The following SSBP2 variants were observed in gnomAD, a reference collection of about 807,000 sequenced individuals.
SSBP2 encodes single stranded DNA binding protein 2.
SSBP2 carries 17 observed loss-of-function variants against 61.8 expected under a neutral mutation model. The ratio of observed to expected loss-of-function variants is 0.28; its 90% CI spans 0.19 to 0.41. SSBP2 has a LOEUF of 0.41. Ranked by LOEUF, SSBP2 falls within the 10% of genes least tolerant of loss-of-function variation. The pLI is 1.00. For missense variants in SSBP2, 310 were observed against 458.7 expected (o/e 0.68, Z 2.96); for synonymous variants, 139 against 141.3 (o/e 0.98, Z 0.12).
In SSBP2 at chr5:81,734,737, C is replaced by T. The variant is rs371270805; in HGVS notation, c.62+16244G>A. Among the ~76,000 whole-genome samples the T allele has an allele frequency of 1.6e-4, 25 of 152,034 alleles. No homozygotes were observed. The East Asian group carries it at 2.9e-3, about 18-fold the overall frequency. ...CTGTAATGCCATCACTTTGGGAGGC[C>T]GAGGCGGGCAGATCATGAGGTCAGG... On this transcript the variant is annotated intron_variant, in intron 1 of 16. Coordinates refer to ENST00000320672, the MANE Select transcript of SSBP2 (RefSeq NM_012446.5).
chr5:81,470,299 TATATG>T (rs66502353), intron 8 of SSBP2, among the ~76,000 whole-genome samples: 66,728 of 151,226 alleles, frequency 0.44, 18,611 homozygotes, highest in African/African-American at 0.8. Flanking sequence ...ACTGGTTTCA[TATATG>T]ATATTAGAAA....
At chr5:81,593,186 T>G (rs918276519) in intron 4 of SSBP2, among the ~76,000 whole-genome samples, 4 of 151,994 alleles carry the variant, frequency 2.6e-5, no homozygotes, top group Non-Finnish European at 5.9e-5. Context: ...GAGAGCTACA[T>G]GACAAATGCA....
At position 81,531,229 on chromosome 5, in the gene SSBP2, GA is replaced by G. The variant is rs71000841; in HGVS notation, c.283-17513del. Among the ~76,000 whole-genome samples the G allele has an allele frequency of 9.6e-4, 114 of 118,280 alleles. 1 individual carries two copies. The highest frequency in any genetic ancestry group is 1.1e-3 in the Non-Finnish European group (64 of 56,838). 77.6% of individuals were successfully genotyped at this position (118,280 alleles called of 152,430 possible). A position where few individuals can be genotyped will look rare whatever the true frequency, so the allele number is the denominator to read the frequency against. On this transcript the variant is annotated intron_variant, in intron 4 of 16. Coordinates refer to ENST00000320672, the MANE Select transcript of SSBP2 (RefSeq NM_012446.5). Reference sequence around the variant, plus strand: ...GAGTGGCAGAGTAAGACCCTGTCTGGAAAAAAAAAAAAAGAAAAAAAAAAAG... The same window carrying G: ...GAGTGGCAGAGTAAGACCCTGTCTGGAAAAAAAAAAAAGAAAAAAAAAAAG...
At chr5:81,603,753 T>A (rs1339415109) in intron 4 of SSBP2, among the ~76,000 whole-genome samples, 2 of 152,204 alleles carry the variant, frequency 1.3e-5, no homozygotes, top group Non-Finnish European at 2.9e-5. Context: ...GGTTCACGTC[T>A]TACGATGAAT....
At chr5:81,676,159 A>C (rs1262908705) in intron 1 of SSBP2, among the ~76,000 whole-genome samples, 1 of 152,174 alleles carries the variant, frequency 6.6e-6, no homozygotes, top group Non-Finnish European at 1.5e-5. Context: ...AAAACCTGAC[A>C]GTTACGCTCA....
chr5:81,641,070 T>C (rs1416424739), intron 2 of SSBP2, among the ~76,000 whole-genome samples: 1 of 152,190 alleles, frequency 6.6e-6, no homozygotes, highest in African/African-American at 2.4e-5. Flanking sequence ...ACATAGCTTA[T>C]GGAGGAGTGA....
chr5:81,501,467 TTATA>T (rs1767758679), intron 5 of SSBP2, among the ~76,000 whole-genome samples: 1 of 149,852 alleles, frequency 6.7e-6, no homozygotes, highest in Non-Finnish European at 1.5e-5. Flanking sequence ...AAGTAATTAA[TTATA>T]CTTTACTCTT....
At chr5:81,750,951 C>T in intron 1 of SSBP2, 30 bp downstream of exon 1, 1 of 1,574,100 alleles carries the variant, frequency 6.4e-7, no homozygotes, top group East Asian at 2.4e-5. Flanking sequence ...CGTGTGAAGG[C>T]GGAGGTGGGT....
At chr5:81,534,501 G>A (rs1770661401) in intron 4 of SSBP2, among the ~76,000 whole-genome samples, 2 of 152,050 alleles carry the variant, frequency 1.3e-5, no homozygotes, top group African/African-American at 4.8e-5. Context: ...ACAATGTAAG[G>A]AGAAAGATGA....
rs145175522 is a variant in SSBP2, at chr5:81,436,851, T to C, written c.957+579A>G. Among the ~76,000 whole-genome samples the C allele has an allele frequency of 5.7e-3, 869 of 152,280 alleles. 25 individuals are homozygous for C. The highest frequency in any genetic ancestry group is 0.044 in the Admixed American group (676 of 15,304). Reference sequence around the variant, plus strand: ...GGATTCATTTTAGATACTCAAACTATTGAAAGAGGGAAAATGCAAACACAT... The same window carrying C: ...GGATTCATTTTAGATACTCAAACTACTGAAAGAGGGAAAATGCAAACACAT... On this transcript the variant is annotated intron_variant, in intron 15 of 16. Transcript: ENST00000320672.
chr5:81,665,930 C>T (rs1396306033), intron 1 of SSBP2, among the ~76,000 whole-genome samples: 1 of 152,164 alleles, frequency 6.6e-6, no homozygotes, highest in Non-Finnish European at 1.5e-5. Context: ...TTAGCTGGAT[C>T]ACAGCCAGCT....
intron 4 of SSBP2, among the ~76,000 whole-genome samples, chr5:81,565,173 C>T (rs556535848): frequency 2.0e-5 from 3 of 152,014 alleles, no homozygotes; most frequent in Admixed American, 2.0e-4. Flanking sequence ...ATTTCTAAAT[C>T]AAAAAATGGG....
chr5:81,716,071 A>G (rs1755149858), intron 1 of SSBP2, among the ~76,000 whole-genome samples: 1 of 151,748 alleles, frequency 6.6e-6, no homozygotes, highest in African/African-American at 2.4e-5. Context: ...ACAAAACAAC[A>G]ACAACAACAA....
At chr5:81,540,931 GAA>G (rs71000842) in intron 4 of SSBP2, among the ~76,000 whole-genome samples, 34,039 of 139,940 alleles carry the variant, frequency 0.24, 4,903 homozygotes, top group Middle Eastern at 0.4. Flanking sequence ...CAGAAAGTTA[GAA>G]AAAAAAAAAA....
intron 9 of SSBP2, among the ~76,000 whole-genome samples, chr5:81,461,351 T>C (rs933431495): frequency 3.3e-5 from 5 of 152,092 alleles, no homozygotes; most frequent in African/African-American, 4.8e-5. Context: ...TAAATGGTTA[T>C]TGTTATAAAG....
chr5:81,648,539 C>A (rs1343276306), intron 2 of SSBP2, among the ~76,000 whole-genome samples: 2 of 152,032 alleles, frequency 1.3e-5, no homozygotes, highest in African/African-American at 4.8e-5. Flanking sequence ...ATACCTCAGG[C>A]AGGGAACTAT....
intron 4 of SSBP2, among the ~76,000 whole-genome samples, chr5:81,603,282 T>G (rs1326949538): frequency 6.6e-6 from 1 of 152,174 alleles, no homozygotes; most frequent in Non-Finnish European, 1.5e-5. Flanking sequence ...AAGGCTAGGC[T>G]CACATTACTG....
chr5:81,538,937 C>T (rs1167496585), intron 4 of SSBP2, among the ~76,000 whole-genome samples: 5 of 152,182 alleles, frequency 3.3e-5, no homozygotes, highest in African/African-American at 1.2e-4. Context: ...ACTGCAAACA[C>T]AATATCTATT....
chr5:81,559,471 C>A (rs1223717530), intron 4 of SSBP2, among the ~76,000 whole-genome samples: 1 of 151,284 alleles, frequency 6.6e-6, no homozygotes, highest in Non-Finnish European at 1.5e-5. Context: ...AGGAGAATAA[C>A]TTGAACCCAG....
Sources: allele counts gnomAD v4.1 joint callset (sites outside exome capture counted in the v4.1 genomes callset), GRCh38; gene constraint gnomAD v4.1.1; transcripts MANE v1.5; gene names NCBI Gene and HGNC (gene_info 2026-07-23, HGNC 2026-07-21).